Variants in SMARCA4 observed in about 807,000 individuals in gnomAD.
SMARCA4 encodes the protein SWI/SNF-related matrix-associated actin-dependent regulator of chromatin subfamily A member 4.
A neutral mutation model predicts 193.9 loss-of-function variants in SMARCA4; 31 were observed. The observed-to-expected ratio is 0.16, with a 90% confidence interval of 0.12 to 0.22. The LOEUF is 0.22. Ranked by LOEUF, SMARCA4 falls within the 10% of genes least tolerant of loss-of-function variation. The pLI is 1.00. For synonymous variants in SMARCA4, 942 were observed against 933.1 expected (o/e 1.01, Z -0.17); for missense variants, 1,148 against 2,296.0 (o/e 0.50, Z 10.22).
intron 30 of SMARCA4, among the ~76,000 whole-genome samples, chr19:11,050,803 A>C (rs1349114715): frequency 6.6e-6 from 1 of 152,168 alleles, no homozygotes; most frequent in African/African-American, 2.4e-5. Flanking sequence ...CCCTGAGGGA[A>C]GGGTGCAGGT....
intron 34 of SMARCA4, among the ~76,000 whole-genome samples, chr19:11,061,201 AAAAAT>A (rs1272693317): frequency 4.3e-3 from 302 of 69,824 alleles, no homozygotes; most frequent in African/African-American, 8.0e-3. Flanking sequence ...AAAAAAAAAA[AAAAAT>A]ATATATATAT....
intron 30 of SMARCA4, among the ~76,000 whole-genome samples, chr19:11,057,864 A>G (rs1883137048): frequency 1.3e-5 from 2 of 152,002 alleles, no homozygotes; most frequent in African/African-American, 4.8e-5. Context: ...GCACTTTGGG[A>G]TGCTGAGGCG....
intron 11 of SMARCA4, among the ~76,000 whole-genome samples, chr19:11,001,475 C>G (rs55935710): frequency 6.6e-6 from 1 of 151,710 alleles, no homozygotes; most frequent in African/African-American, 2.4e-5. Context: ...AATTAAAAAT[C>G]TTAAAAAGCG....
chr19:11,035,192 C>G, intron 29 of SMARCA4, 60 bp downstream of exon 29: 2 of 1,482,600 alleles, frequency 1.3e-6, no homozygotes, highest in Non-Finnish European at 9.3e-7. Flanking sequence ...GCTGGGGAGA[C>G]AAAGGGCCCA....
intron 13 of SMARCA4, among the ~76,000 whole-genome samples, chr19:11,003,838 A>C (rs2087899947): frequency 6.6e-6 from 1 of 151,104 alleles, no homozygotes; most frequent in South Asian, 2.1e-4. Context: ...CAGCCTCCCA[A>C]GTAGCTGGGA....
rs560780806 is a variant in SMARCA4 at position 11,058,510 on chromosome 19, C to T, written c.4533+147C>T. On this transcript the variant is annotated intron_variant, in intron 31 of 34. Coordinates refer to ENST00000344626, the MANE Select transcript of SMARCA4 (RefSeq NM_003072.5). This position sits in a 1 kb window ranked among gnomAD's most constrained non-coding sequence, Gnocchi z 5.8. Reference sequence around the variant, plus strand: ...TGGGCTACCTGGTTAGGGACCTGGTCGTGGGCTTTTGGGGTTCCTTGTAAG... The same window carrying T: ...TGGGCTACCTGGTTAGGGACCTGGTTGTGGGCTTTTGGGGTTCCTTGTAAG... 2.5e-4 allele frequency: 182 copies of T among 726,000 alleles called. No individual in the cohort carries two copies. The highest frequency in any genetic ancestry group is 2.7e-4 in the Non-Finnish European group (108 of 406,886). The allele number at this position is 726,000 out of a possible 1,614,324, so 45.0% of individuals were successfully genotyped here.
At chr19:11,026,184 G>T in intron 22 of SMARCA4, 116 bp from the exon 23 acceptor site, 1 of 841,952 alleles carries the variant, frequency 1.2e-6, no homozygotes, top group Non-Finnish European at 2.1e-6. Flanking sequence ...GTGGGCCCGT[G>T]CCGAGCACAC....
chr19:11,021,229 TCCCGA>T (rs2089839247), intron 18 of SMARCA4: 2 of 261,174 alleles, frequency 7.7e-6, no homozygotes, highest in Non-Finnish European at 1.5e-5. Flanking sequence ...CTGCGCCCCC[TCCCGA>T]CCCGCATGGC....
intron 30 of SMARCA4, among the ~76,000 whole-genome samples, chr19:11,048,063 G>T (rs1409608221): frequency 4.6e-5 from 7 of 152,138 alleles, no homozygotes; most frequent in African/African-American, 7.2e-5. Context: ...ATGGCAGGTG[G>T]TGCTCATGTC....
Position 11,034,168 on chromosome 19 carries a change from G to A in SMARCA4, c.3919G>A (p.Ala1307Thr), listed in dbSNP as rs1568512220. 1.2e-6 allele frequency: 2 copies of A among 1,613,698 alleles called. No homozygotes were observed. The highest frequency in any genetic ancestry group is 1.3e-5 in the African/African-American group (1 of 74,916). Residue 1307 changes from alanine to threonine, a missense_variant, in exon 28 of 35, where the codon GCC (alanine) becomes ACC (threonine). Around this residue, in one of 17 missense-constraint regions of SMARCA4, gnomAD observed 84 missense variants for 202.2 expected, o/e 0.42. Transcript: ENST00000344626. This position sits in a 1 kb window ranked among gnomAD's most constrained non-coding sequence, Gnocchi z 7.0. The stretch of plus-strand genomic sequence containing the variant: ...CGACGAGACCGTCAACCAGATGATC[G>A]CCCGGCACGAGGAGGAGTTTGATCT... ...PDDETVNQMI[A>T]RHEEEFDLFM... is the part of the protein sequence containing the mutation.
At position 10,986,049 on chromosome 19, in the gene SMARCA4, A is replaced by C; in HGVS notation, c.356-140A>C. 1 of 761,202 alleles carries C rather than the reference A, an allele frequency of 1.3e-6. No homozygotes were observed. Among genetic ancestry groups the C allele is most frequent in the Non-Finnish European group, 2.3e-6 (1 of 441,030 alleles). 47.2% of individuals were successfully genotyped at this position (761,202 alleles called of 1,614,324 possible). On this transcript the variant is annotated intron_variant, in intron 3 of 34. Coordinates refer to ENST00000344626, the MANE Select transcript of SMARCA4 (RefSeq NM_003072.5). This position sits in a 1 kb window ranked among gnomAD's most constrained non-coding sequence, Gnocchi z 6.7. ...GAGGTGCCTTCAGCATGTGCCCTCCAGGTGCCCCTGGTTGACTCAAGAGAA... is the reference window on the plus strand; with the variant it reads ...GAGGTGCCTTCAGCATGTGCCCTCCCGGTGCCCCTGGTTGACTCAAGAGAA...
At position 11,034,285 on chromosome 19, in the gene SMARCA4, T is replaced by G; in HGVS notation, c.3951+85T>G. 9.3e-7 allele frequency: 1 copy of G among 1,080,196 alleles called. No homozygotes were observed. 66.9% of individuals were successfully genotyped at this position (1,080,196 alleles called of 1,614,324 possible). A position where few individuals can be genotyped will look rare whatever the true frequency, so the allele number is the denominator to read the frequency against. ...AAAGCAGACGTCCTAGTGCCCATGG[T>G]GGTATCCCTAGCAGGTCAGGGAGCC... On this transcript the variant is annotated intron_variant, in intron 28 of 34. Transcript: ENST00000344626. This position sits in a 1 kb window ranked among gnomAD's most constrained non-coding sequence, Gnocchi z 7.0.
At chr19:11,016,840 G>C (rs898432341) in intron 16 of SMARCA4, among the ~76,000 whole-genome samples, 2 of 152,036 alleles carry the variant, frequency 1.3e-5, no homozygotes, top group Non-Finnish European at 2.9e-5. Flanking sequence ...GGACTTTCTT[G>C]CTTTTTGGCA....
At chr19:11,004,797 C>T (rs1406323729) in intron 13 of SMARCA4, among the ~76,000 whole-genome samples, 3 of 151,148 alleles carry the variant, frequency 2.0e-5, no homozygotes, top group Non-Finnish European at 3.0e-5. Context: ...CCTTTACTGC[C>T]TTTTGTGTTC....
In SMARCA4 at chr19:11,058,702, C is replaced by A; in HGVS notation, c.4534-86C>A. 1 of 1,147,586 alleles carries A rather than the reference C, an allele frequency of 8.7e-7. No homozygotes were observed. Among genetic ancestry groups the A allele is most frequent in the Non-Finnish European group, 1.3e-6 (1 of 761,960 alleles). 71.1% of individuals were successfully genotyped at this position (1,147,586 alleles called of 1,614,324 possible). The stretch of plus-strand genomic sequence containing the variant: ...TCCTCATAGGCACGAGGAATCCTAG[C>A]CCGTGGGGTCTCCAGCACACAGCCA... On this transcript the variant is annotated intron_variant, in intron 31 of 34. Transcript: ENST00000344626. The surrounding 1 kb of genome is among the most constrained non-coding windows in gnomAD (Gnocchi z 5.8).
rs1052331052 is a variant in SMARCA4, at chr19:10,981,018, C to T, written c.-31-3103C>T. ...CCCCCTGCCTTGGCCTCCCAAAGTG[C>T]TGGGATTACAGGCGTGCTGGATTGT... On this transcript the variant is annotated intron_variant, in intron 1 of 34. Transcript: ENST00000344626. 2.0e-5 allele frequency among the ~76,000 whole-genome samples: 3 copies of T among 152,190 alleles called. No individual in the cohort carries two copies. The East Asian group carries it at 5.8e-4, about 29-fold the overall frequency.
In SMARCA4 at chr19:10,985,983, G is replaced by T. The variant is rs2085990114; in HGVS notation, c.356-206G>T. Among the ~76,000 whole-genome samples the T allele has an allele frequency of 6.6e-6, 1 of 152,198 alleles. No homozygotes were observed. The highest frequency in any genetic ancestry group is 1.5e-5 in the Non-Finnish European group (1 of 68,034). Reference sequence around the variant, plus strand: ...GCATTAACCAGAAGCACCTTACTGAGACGTGGGCCAAACCAAATCCACCAG... The same window carrying T: ...GCATTAACCAGAAGCACCTTACTGATACGTGGGCCAAACCAAATCCACCAG... On this transcript the variant is annotated intron_variant, in intron 3 of 34. Transcript: ENST00000344626. This position sits in a 1 kb window ranked among gnomAD's most constrained non-coding sequence, Gnocchi z 4.5.
chr19:10,996,504 A>G lies in SMARCA4; in HGVS notation c.1772A>G (p.Asn591Ser), dbSNP rs2145980484. 1 of 1,614,250 alleles carries G rather than the reference A, an allele frequency of 6.2e-7. No individual in the cohort carries two copies. Among genetic ancestry groups the G allele is most frequent in the Non-Finnish European group, 8.5e-7 (1 of 1,180,050 alleles). Reference protein sequence around the residue: ...KKKKKKKKAENAEGQTPAIGP... With the variant: ...KKKKKKKKAESAEGQTPAIGP... ...TCTCTCTATTTCCAGAAGGCAGAAA[A>G]TGCAGAAGGACAGACGCCTGCCATT... Residue 591 changes from asparagine to serine, a missense_variant, in exon 11 of 35, where the codon AAT (asparagine) becomes AGT (serine). Physicochemically the swap from Asn to Ser is conservative, Grantham distance 46. Coordinates refer to ENST00000344626, the MANE Select transcript of SMARCA4 (RefSeq NM_003072.5).
intron 7 of SMARCA4, among the ~76,000 whole-genome samples, chr19:10,990,199 G>C (rs889953133): frequency 6.6e-6 from 1 of 151,986 alleles, no homozygotes; most frequent in Non-Finnish European, 1.5e-5. Flanking sequence ...TGTCACCCAG[G>C]CTGGAGTGCA....
Sources: allele counts gnomAD v4.1 joint callset (sites outside exome capture counted in the v4.1 genomes callset), GRCh38; gene constraint gnomAD v4.1.1; regional missense constraint gnomAD v4.1.1; non-coding constraint Gnocchi (gnomAD v3.1); transcripts MANE v1.5; gene names NCBI Gene and HGNC (gene_info 2026-07-23, HGNC 2026-07-21).